OXNAD1: variants seen among roughly 807,000 people sequenced by gnomAD.
OXNAD1 encodes oxidoreductase NAD-binding domain-containing protein 1.
A neutral mutation model predicts 32.9 loss-of-function variants in OXNAD1; 34 were observed. That is an observed-to-expected ratio of 1.03 (90% CI 0.79 to 1.38). OXNAD1 has a LOEUF of 1.38. Among genes scored for constraint, OXNAD1 ranks in the 40% most tolerant of loss-of-function variants. The pLI, the probability that OXNAD1 is intolerant of heterozygous loss-of-function variation, is 0.00. For synonymous variants in OXNAD1, 134 were observed against 135.2 expected (o/e 0.99, Z 0.06); for missense variants, 407 against 379.4 (o/e 1.07, Z -0.60).
chr3:16,326,870 C>T lies in OXNAD1; in HGVS notation c.*31-10242C>T, dbSNP rs763281134. The T allele has an allele frequency of 9.9e-6, 16 of 1,613,296 alleles. 1 individual carries two copies. The highest frequency in any genetic ancestry group is 5.0e-5 in the Admixed American group (3 of 59,966). On this transcript the variant is annotated intron_variant, in intron 9 of 9. Coordinates refer to the OXNAD1 transcript ENST00000435829. Reference sequence around the variant, plus strand: ...AGGGGCACGTAGTCTGTCTGCACTTCGACACCCTGGGGGAACAAGGCCAGC... The same window carrying T: ...AGGGGCACGTAGTCTGTCTGCACTTTGACACCCTGGGGGAACAAGGCCAGC...
rs2068186211 is a variant in OXNAD1 at position 16,314,351 on chromosome 3, T to C, written c.*30+10759T>C. ...TTTTAGGGCCTTTATTATTTACCACTTGTAGAAAGCATTTTATTTCACAAG... is the reference window on the plus strand; with the variant it reads ...TTTTAGGGCCTTTATTATTTACCACCTGTAGAAAGCATTTTATTTCACAAG... On this transcript the variant is annotated intron_variant, in intron 9 of 9. Coordinates refer to the OXNAD1 transcript ENST00000435829. The surrounding 1 kb of genome is among the most constrained non-coding windows in gnomAD (Gnocchi z 4.4). 1 of 152,092 alleles carries C rather than the reference T, an allele frequency of 6.6e-6. No individual in the cohort carries two copies. The highest frequency in any genetic ancestry group is 1.5e-5 in the Non-Finnish European group (1 of 67,884). 9.4% of individuals were successfully genotyped at this position (152,092 alleles called of 1,614,324 possible).
intron 4 of OXNAD1, among the ~76,000 whole-genome samples, chr3:16,283,004 G>T (rs2065857372): frequency 6.6e-6 from 1 of 151,934 alleles, no homozygotes; most frequent in African/African-American, 2.4e-5. Flanking sequence ...TCAGCTTAGG[G>T]TGATGGCAAG....
rs1345701513 is a variant in OXNAD1 at position 16,286,283 on chromosome 3, AT to A, written c.184-56del. 3.0e-6 allele frequency: 4 copies of A among 1,328,812 alleles called. No individual in the cohort carries two copies. In the South Asian group the frequency reaches 4.8e-5, roughly 16 times the overall value. 82.3% of individuals were successfully genotyped at this position (1,328,812 alleles called of 1,614,324 possible). ...AAACCTTAGTTCTCAGGATGCCACC[AT>A]TTGTCCCTTGTGCTGTGTACGCACT... On this transcript the variant is annotated intron_variant, in intron 4 of 8. Transcript: ENST00000285083.
Position 16,334,873 on chromosome 3 carries a change from C to T in OXNAD1, c.*31-2239C>T, listed in dbSNP as rs143067475. Among the ~76,000 whole-genome samples, 626 of 152,260 alleles carry T rather than the reference C, an allele frequency of 4.1e-3. 7 individuals carry two copies. The highest frequency in any genetic ancestry group is 0.014 in the African/African-American group (602 of 41,546). ...TGTGCCCAGTATAATCACAGGGGTC[C>T]TTATAAGGACAGGCAGGAAGGCCAG... On this transcript the variant is annotated intron_variant, in intron 9 of 9. Transcript: ENST00000435829. This position sits in a 1 kb window ranked among gnomAD's most constrained non-coding sequence, Gnocchi z 4.3.
At chr3:16,292,541 TG>T (rs1180775589) in intron 5 of OXNAD1, among the ~76,000 whole-genome samples, 2 of 152,132 alleles carry the variant, frequency 1.3e-5, no homozygotes, top group Non-Finnish European at 2.9e-5. Flanking sequence ...TTTTAAATTT[TG>T]ATGAAATCTG....
downstream of OXNAD1, chr3:16,306,230 A>G (rs2067548688): frequency 6.6e-6 from 1 of 152,206 alleles, no homozygotes; most frequent in Non-Finnish European, 1.5e-5. Context: ...GACAAAGTAG[A>G]GATAGTAAAA....
intron 5 of OXNAD1, among the ~76,000 whole-genome samples, chr3:16,294,030 C>T (rs1240162074): frequency 6.6e-6 from 1 of 152,046 alleles, no homozygotes; most frequent in Admixed American, 6.6e-5. Context: ...GGATACTGGT[C>T]TATAGTTTTC....
At chr3:16,319,331 C>T (rs1168733266) in intron 9 of OXNAD1, among the ~76,000 whole-genome samples, 1 of 152,206 alleles carries the variant, frequency 6.6e-6, no homozygotes, top group Non-Finnish European at 1.5e-5. Flanking sequence ...GCCTTAAGTG[C>T]TAAAATGTCA....
At position 16,334,423 on chromosome 3, in the gene OXNAD1, C is replaced by T. The variant is rs77856994; in HGVS notation, c.*31-2689C>T. On this transcript the variant is annotated intron_variant, in intron 9 of 9. Coordinates refer to the OXNAD1 transcript ENST00000435829. The surrounding 1 kb of genome is among the most constrained non-coding windows in gnomAD (Gnocchi z 4.3). ...ATCTCACTTCTGGGAATTTAACCTACGTATTAAAAAATGAGAAATGCACAG... is the reference window on the plus strand; with the variant it reads ...ATCTCACTTCTGGGAATTTAACCTATGTATTAAAAAATGAGAAATGCACAG... Among the ~76,000 whole-genome samples the T allele has an allele frequency of 0.015, 2,342 of 152,206 alleles. 72 individuals carry two copies. The highest frequency in any genetic ancestry group is 0.11 in the East Asian group (567 of 5,182).
downstream of OXNAD1, among the ~76,000 whole-genome samples, chr3:16,340,696 T>C (rs1251837717): frequency 1.3e-5 from 2 of 152,232 alleles, no homozygotes; most frequent in Non-Finnish European, 2.9e-5. Context: ...TCTGCAGTTA[T>C]AGATTTTAAA....
At chr3:16,326,696 G>C in intron 9 of OXNAD1, 2 of 1,053,930 alleles carry the variant, frequency 1.9e-6, no homozygotes, top group Non-Finnish European at 2.9e-6. Flanking sequence ...ATTTATAGAC[G>C]TGAGGTGCTC....
In OXNAD1 at chr3:16,335,156, C is replaced by T. The variant is rs139844350; in HGVS notation, c.*31-1956C>T. On this transcript the variant is annotated intron_variant, in intron 9 of 9. Coordinates refer to the OXNAD1 transcript ENST00000435829. This position sits in a 1 kb window ranked among gnomAD's most constrained non-coding sequence, Gnocchi z 4.7. ...AGTCACTAAATCTGTGATTTGTTGC[C>T]GCAGCAACAGGAAATTAATCCACAG... Among the ~76,000 whole-genome samples the T allele has an allele frequency of 1.3e-5, 2 of 152,178 alleles. No homozygotes were observed. The highest frequency in any genetic ancestry group is 2.9e-5 in the Non-Finnish European group (2 of 68,040).
intron 1 of OXNAD1, among the ~76,000 whole-genome samples, chr3:16,268,321 T>A: frequency 1.0e-5 from 1 of 99,768 alleles, no homozygotes; most frequent in South Asian, 3.2e-4. Context: ...TCCTTTTTTT[T>A]TTTTTTTTTT....
At chr3:16,323,607 C>T in intron 9 of OXNAD1, 1 of 570,084 alleles carries the variant, frequency 1.8e-6, no homozygotes, top group Non-Finnish European at 3.1e-6. Context: ...TCTTCCGCTC[C>T]CAGGCCATCC....
intron 2 of OXNAD1, among the ~76,000 whole-genome samples, 158 bp downstream of exon 2, chr3:16,269,433 C>A (rs943716741): frequency 6.6e-6 from 1 of 152,134 alleles, no homozygotes. Flanking sequence ...CATGCTTATC[C>A]GCAATGATGC....
chr3:16,314,350 C>G lies in OXNAD1; in HGVS notation c.*30+10758C>G, dbSNP rs1007251523. On this transcript the variant is annotated intron_variant, in intron 9 of 9. Coordinates refer to the OXNAD1 transcript ENST00000435829. The surrounding 1 kb of genome is among the most constrained non-coding windows in gnomAD (Gnocchi z 4.4). ...ATTTTAGGGCCTTTATTATTTACCACTTGTAGAAAGCATTTTATTTCACAA... is the reference window on the plus strand; with the variant it reads ...ATTTTAGGGCCTTTATTATTTACCAGTTGTAGAAAGCATTTTATTTCACAA... 1 of 152,166 alleles carries G rather than the reference C, an allele frequency of 6.6e-6. No homozygotes were observed. The highest frequency in any genetic ancestry group is 1.5e-5 in the Non-Finnish European group (1 of 68,026). 9.4% of individuals were successfully genotyped at this position (152,166 alleles called of 1,614,324 possible).
At chr3:16,326,050 C>T (rs1024662619) in intron 9 of OXNAD1, among the ~76,000 whole-genome samples, 1 of 152,258 alleles carries the variant, frequency 6.6e-6, no homozygotes, top group South Asian at 2.1e-4. Flanking sequence ...CAAGCCTCCC[C>T]TAGCCTCAGT....
rs1039512280 is a variant in OXNAD1, at chr3:16,277,533, G to T, written c.183+5811G>T. On this transcript the variant is annotated intron_variant, in intron 4 of 8. Coordinates refer to ENST00000285083, the MANE Select transcript of OXNAD1 (RefSeq NM_138381.5). This position sits in a 1 kb window ranked among gnomAD's most constrained non-coding sequence, Gnocchi z 4.3. Reference sequence around the variant, plus strand: ...CTTTACACATGTTATTTGCTCTTCAGTTCAAGTCCATGAGGTAGCCTAAGG... The same window carrying T: ...CTTTACACATGTTATTTGCTCTTCATTTCAAGTCCATGAGGTAGCCTAAGG... 2.0e-5 allele frequency among the ~76,000 whole-genome samples: 3 copies of T among 152,178 alleles called. No individual in the cohort carries two copies. The highest frequency in any genetic ancestry group is 3.8e-4 in the East Asian group (2 of 5,202).
chr3:16,297,791 G>C lies in OXNAD1; in HGVS notation c.432+2794G>C, dbSNP rs148371462. 2.2e-4 allele frequency among the ~76,000 whole-genome samples: 33 copies of C among 152,298 alleles called. No homozygotes were observed. Among genetic ancestry groups the C allele is most frequent in the African/African-American group, 7.7e-4 (32 of 41,568 alleles). ...ACATTCTGGAAGACAAAGATATAAT[G>C]ATGGGAAACCAGTGGTTGACTGGGG... On this transcript the variant is annotated intron_variant, in intron 6 of 8. Transcript: ENST00000285083. The surrounding 1 kb of genome is among the most constrained non-coding windows in gnomAD (Gnocchi z 4.3).
Sources: allele counts gnomAD v4.1 joint callset (sites outside exome capture counted in the v4.1 genomes callset), GRCh38; gene constraint gnomAD v4.1.1; non-coding constraint Gnocchi (gnomAD v3.1); transcripts MANE v1.5; gene names NCBI Gene and HGNC (gene_info 2026-07-23, HGNC 2026-07-21).